ENPP2: variants seen among roughly 807,000 people sequenced by gnomAD.
ENPP2 encodes autotaxin.
ENPP2 carries 51 observed loss-of-function variants against 120.2 expected under a neutral mutation model. That is an observed-to-expected ratio of 0.42 (90% confidence interval 0.34 to 0.54). The LOEUF (loss-of-function observed/expected upper bound fraction) is 0.54. Ranked by LOEUF, ENPP2 falls within the 20% of genes least tolerant of loss-of-function variation. ENPP2 has a pLI of 0.04. For missense variants in ENPP2, 920 were observed against 1,066.5 expected (o/e 0.86, Z 1.91); for synonymous variants, 365 against 366.4 (o/e 1.00, Z 0.04).
Position 119,590,567 on chromosome 8 carries a change from T to C in ENPP2, c.1145A>G (p.Asp382Gly), listed in dbSNP as rs1813424071. The change falls in exon 13 of 25, where the codon GAT (aspartate) becomes GGT (glycine). Residue 382 changes from aspartate (D) to glycine (G), a missense_variant. Transcript: ENST00000075322. ...TAGAGTTCCAGGCACTAAAGTAATA[T>C]CATCCACATTAGTTAGGTAATTACT... ...FLSNYLTNVD[D>G]ITLVPGTLGR... 1 of 1,592,592 alleles carries C rather than the reference T, an allele frequency of 6.3e-7. No individual in the cohort carries two copies. The highest frequency in any genetic ancestry group is 1.4e-5 in the African/African-American group (1 of 74,044).
At chr8:119,653,767 T>C (rs975331076) in intron 1 of ENPP2, among the ~76,000 whole-genome samples, 2 of 152,096 alleles carry the variant, frequency 1.3e-5, no homozygotes, top group African/African-American at 4.8e-5. Context: ...AAAGTCTCAC[T>C]CTTACTGCTG....
intron 1 of ENPP2, among the ~76,000 whole-genome samples, chr8:119,653,270 T>C (rs933446976): frequency 7.2e-5 from 11 of 152,222 alleles, no homozygotes. Flanking sequence ...CAAACTTCTA[T>C]TGAGCACCTA....
At chr8:119,618,276 C>T (rs1489887793) in intron 5 of ENPP2, 1 of 499,318 alleles carries the variant, frequency 2.0e-6, no homozygotes, top group South Asian at 1.4e-5. Flanking sequence ...TCCAAATACT[C>T]CATGAGTGTA....
intron 5 of ENPP2, chr8:119,618,386 C>A: frequency 2.1e-6 from 1 of 466,448 alleles, no homozygotes; most frequent in South Asian, 1.5e-5. Context: ...GAGATTTGAC[C>A]CAGCCACCTG....
At position 119,583,960 on chromosome 8, in the gene ENPP2, A is replaced by G. The variant is rs1298927363; in HGVS notation, c.1455+2T>C. On this transcript the variant is annotated splice_donor_variant, in intron 16 of 24. Transcript: ENST00000075322. LOFTEE classifies it high-confidence loss of function. ...TTTCAATTCACAGTTCTGCCATCATACCTGCATGCTGTTGACCTTGTTATC... is the reference window on the plus strand; with the variant it reads ...TTTCAATTCACAGTTCTGCCATCATGCCTGCATGCTGTTGACCTTGTTATC... The G allele has an allele frequency of 6.2e-7, 1 of 1,608,992 alleles. No individual in the cohort carries two copies.
chr8:119,626,668 G>A lies in ENPP2; in HGVS notation c.189C>T (p.Cys63=). The part of the protein sequence containing the change: ...TNISGSCKGR[C]FELQEAGPPD... The stretch of plus-strand genomic sequence containing the variant: ...GAGGTCCAGCCTCTTGAAGTTCAAA[G>A]CACCTGCCCTTGCAAGATCCGGAGA... The change falls in exon 3 of 25, where the codon TGC becomes TGT. Residue 63 remains cysteine (C), a synonymous_variant. Transcript: ENST00000075322. 6.2e-7 allele frequency: 1 copy of A among 1,614,104 alleles called. No individual in the cohort carries two copies. The highest frequency in any genetic ancestry group is 8.5e-7 in the Non-Finnish European group (1 of 1,179,950).
At position 119,608,962 on chromosome 8, in the gene ENPP2, G is replaced by A. The variant is rs140005224; in HGVS notation, c.778-985C>T. ...AGTGTCCCACTGAACAGAAGTCTATGAGAAGAAACCCCCTCACTTAAAGAA... is the reference window on the plus strand; with the variant it reads ...AGTGTCCCACTGAACAGAAGTCTATAAGAAGAAACCCCCTCACTTAAAGAA... On this transcript the variant is annotated intron_variant, in intron 8 of 24. Coordinates refer to ENST00000075322, the MANE Select transcript of ENPP2 (RefSeq NM_001040092.3). Among the ~76,000 whole-genome samples, 156 of 152,302 alleles carry A rather than the reference G, an allele frequency of 1.0e-3. 1 individual carries two copies. The East Asian group carries it at 0.021, about 21-fold the overall frequency.
chr8:119,583,923 A>G (rs774024173), intron 16 of ENPP2, 39 bp downstream of exon 16: 62 of 1,523,336 alleles, frequency 4.1e-5, no homozygotes, highest in Admixed American at 8.4e-5. Context: ...TCGAAGAACC[A>G]CTAAAACACA....
chr8:119,599,981 TA>T (rs1814173024), intron 11 of ENPP2, among the ~76,000 whole-genome samples: 1 of 139,228 alleles, frequency 7.2e-6, no homozygotes, highest in African/African-American at 2.8e-5. Context: ...CACTCCAGCC[TA>T]GGTGACGGAG....
rs202031268 is a variant in ENPP2, at chr8:119,584,044, G to T, written c.1373C>A (p.Pro458His). The T allele has an allele frequency of 1.9e-6, 3 of 1,604,224 alleles. No homozygotes were observed. The African/African-American group carries it at 4.0e-5, about 21-fold the overall frequency. The change falls in exon 16 of 25, where the codon CCT becomes CAT. Residue 458 changes from proline (P) to histidine (H), a missense_variant. Transcript: ENST00000075322. ...VERRWHVARKPLDVYKKPSGK... is the reference protein window; with the variant it reads ...VERRWHVARKHLDVYKKPSGK... ...TGATGGTTTCTTATAAACATCCAAA[G>T]GTTTCCTAAATTGAAACAATTTCAT...
intron 18 of ENPP2, 44 bp from the exon 19 acceptor site, chr8:119,580,211 GA>G: frequency 6.6e-7 from 1 of 1,507,144 alleles, no homozygotes; most frequent in Non-Finnish European, 9.2e-7. Context: ...AAGCAAATCA[GA>G]AATGTTCTTT....
At chr8:119,623,173 G>C (rs980490795) in intron 3 of ENPP2, among the ~76,000 whole-genome samples, 3 of 152,062 alleles carry the variant, frequency 2.0e-5, no homozygotes, top group Non-Finnish European at 4.4e-5. Context: ...CATTAATAAA[G>C]AGATATTACG....
intron 15 of ENPP2, among the ~76,000 whole-genome samples, chr8:119,584,536 C>A (rs998523203): frequency 6.6e-6 from 1 of 152,084 alleles, no homozygotes; most frequent in African/African-American, 2.4e-5. Flanking sequence ...GATGTTTAAA[C>A]AATGAATGGA....
chr8:119,670,292 C>G (rs1288911188), intron 1 of ENPP2, among the ~76,000 whole-genome samples: 1 of 152,200 alleles, frequency 6.6e-6, no homozygotes, highest in Non-Finnish European at 1.5e-5. Flanking sequence ...CTAAAGCCTT[C>G]CATTGCTAAA....
intron 1 of ENPP2, among the ~76,000 whole-genome samples, chr8:119,653,510 C>G (rs756507873): frequency 2.0e-5 from 3 of 152,054 alleles, no homozygotes; most frequent in African/African-American, 4.8e-5. Context: ...AGCCAGGTGT[C>G]TTGGAAAAAA....
intron 3 of ENPP2, among the ~76,000 whole-genome samples, chr8:119,622,040 C>T (rs774221737): frequency 1.3e-4 from 20 of 152,080 alleles, no homozygotes; most frequent in Admixed American, 2.6e-4. Context: ...GCGATTATCC[C>T]GCCTCAGCCT....
At chr8:119,653,964 A>G (rs751609671) in intron 1 of ENPP2, among the ~76,000 whole-genome samples, 1 of 147,678 alleles carries the variant, frequency 6.8e-6, no homozygotes, top group South Asian at 2.1e-4. Flanking sequence ...GTAATATAAT[A>G]GATTACATAT....
chr8:119,636,734 T>C (rs1817020721), intron 2 of ENPP2, among the ~76,000 whole-genome samples: 1 of 152,006 alleles, frequency 6.6e-6, no homozygotes, highest in Non-Finnish European at 1.5e-5. Context: ...AGTTTTCCAG[T>C]AGTGAGCACA....
exon 1 of ENPP2, chr8:119,673,267 G>C (rs937459185): frequency 3.9e-6 from 6 of 1,535,238 alleles, no homozygotes; most frequent in Admixed American, 2.0e-5. Flanking sequence ...CGGCGTGGCG[G>C]GTCATGCTGC....
Sources: allele counts gnomAD v4.1 joint callset (sites outside exome capture counted in the v4.1 genomes callset), GRCh38; gene constraint gnomAD v4.1.1; transcripts MANE v1.5; gene names NCBI Gene and HGNC (gene_info 2026-07-23, HGNC 2026-07-21).